The following DCLK3 variants were observed in gnomAD, a reference collection of about 807,000 sequenced individuals.
DCLK3 encodes the protein serine/threonine-protein kinase DCLK3.
In DCLK3, 30 loss-of-function variants were observed where a neutral mutation model predicts 46.4. That is an observed-to-expected ratio of 0.65 (90% confidence interval 0.48 to 0.88). The LOEUF is 0.88. Among genes scored for constraint, DCLK3 ranks in the 40% least tolerant of loss-of-function variants. The pLI is 0.00. For synonymous variants in DCLK3, 401 were observed against 339.2 expected, an observed-to-expected ratio of 1.18 and a Z score of -2.00; for missense variants, 846 against 907.1, an observed-to-expected ratio of 0.93 and a Z score of 0.87.
chr3:36,759,706 A>C (rs1329116057), intron 1 of DCLK3, among the ~76,000 whole-genome samples: 2 of 152,134 alleles, frequency 1.3e-5, no homozygotes, highest in Non-Finnish European at 2.9e-5. Flanking sequence ...CTACTTTTGC[A>C]CATGCTGTTC....
chr3:36,740,290 A>G (rs531849464), intron 1 of DCLK3, among the ~76,000 whole-genome samples: 1 of 152,224 alleles, frequency 6.6e-6, no homozygotes, highest in East Asian at 1.9e-4. Context: ...TGATCTTAAT[A>G]TCTATTTTAT....
At chr3:36,724,181 C>G (rs7639722) in intron 2 of DCLK3, among the ~76,000 whole-genome samples, 52,275 of 152,042 alleles carry the variant, frequency 0.34, 9,700 homozygotes, top group Non-Finnish European at 0.43. Flanking sequence ...GGCCTGTGGC[C>G]CCTTTGTTTT....
chr3:36,722,210 G>C (rs932796710), intron 2 of DCLK3, among the ~76,000 whole-genome samples: 2 of 152,194 alleles, frequency 1.3e-5, no homozygotes, highest in Non-Finnish European at 2.9e-5. Flanking sequence ...GTATGGGGCA[G>C]GGGTGAGGGG....
At chr3:36,719,236 C>T (rs923437928) in intron 3 of DCLK3, among the ~76,000 whole-genome samples, 1 of 152,128 alleles carries the variant, frequency 6.6e-6, no homozygotes, top group African/African-American at 2.4e-5. Flanking sequence ...ACACATTGTC[C>T]TCCCAAAACT....
intron 3 of DCLK3, among the ~76,000 whole-genome samples, chr3:36,718,789 T>A (rs1209038433): frequency 6.6e-6 from 1 of 152,200 alleles, no homozygotes; most frequent in East Asian, 1.9e-4. Context: ...GACTGATGTT[T>A]ACTAGCTGTA....
chr3:36,725,429 C>T (rs1701115506), intron 2 of DCLK3, among the ~76,000 whole-genome samples: 1 of 152,054 alleles, frequency 6.6e-6, no homozygotes, highest in Admixed American at 6.5e-5. Context: ...CCAGCCTGGG[C>T]AACACGAGGA....
At position 36,739,201 on chromosome 3, in the gene DCLK3, T is replaced by C. The variant is rs541779547; in HGVS notation, c.83-117A>G. On this transcript the variant is annotated intron_variant, in intron 1 of 4. Coordinates refer to ENST00000636136, the MANE Select transcript of DCLK3 (RefSeq NM_001394672.2). ...TAGCATTACAGTTTATAAGTGTGGT[T>C]CCTGAGAGTCTGTTAGAAATGACAG... 22 of 396,612 alleles carry C rather than the reference T, an allele frequency of 5.5e-5. No individual in the cohort carries two copies. In the Admixed American group the frequency reaches 7.1e-4, roughly 13 times the overall value. 24.6% of individuals were successfully genotyped at this position (396,612 alleles called of 1,614,324 possible). A position where few individuals can be genotyped will look rare whatever the true frequency, so the allele number is the denominator to read the frequency against.
intron 3 of DCLK3, among the ~76,000 whole-genome samples, chr3:36,721,166 C>A (rs1001787377): frequency 6.6e-6 from 1 of 152,126 alleles, no homozygotes; most frequent in Non-Finnish European, 1.5e-5. Context: ...ACCATAAGGA[C>A]TGCTTCAATT....
chr3:36,724,184 T>G (rs1246265312), intron 2 of DCLK3, among the ~76,000 whole-genome samples: 2 of 152,184 alleles, frequency 1.3e-5, no homozygotes, highest in Non-Finnish European at 2.9e-5. Context: ...CTGTGGCCCC[T>G]TTGTTTTGGC....
intron 3 of DCLK3, among the ~76,000 whole-genome samples, chr3:36,719,410 TCAC>T (rs1386087590): frequency 2.0e-5 from 3 of 152,204 alleles, no homozygotes; most frequent in African/African-American, 7.2e-5. Context: ...AAAGAATAAG[TCAC>T]TAATGACCTC....
At position 36,737,332 on chromosome 3, in the gene DCLK3, A is replaced by T. The variant is rs751404842; in HGVS notation, c.1835T>A (p.Ile612Asn). Residue 612 changes from isoleucine (I) to asparagine (N), a missense_variant, in exon 2 of 5, where the codon ATC becomes AAC. Physicochemically the swap from Ile to Asn is moderately radical, Grantham distance 149. Around this residue, in one of 3 missense-constraint regions of DCLK3, gnomAD observed 247 missense variants for 322.8 expected, o/e 0.77. Coordinates refer to ENST00000636136, the MANE Select transcript of DCLK3 (RefSeq NM_001394672.2). The surrounding 1 kb of genome is among the most constrained non-coding windows in gnomAD (Gnocchi z 4.4). ...CTCCGGGAACTTCACACTTTCTATG[A>T]TGGCGTCAAAAAGGTCTCCTCCCTG... The part of the protein sequence containing the change: ...YVQGGDLFDA[I>N]IESVKFPEPD... 6.2e-7 allele frequency: 1 copy of T among 1,614,160 alleles called. No homozygotes were observed. Among genetic ancestry groups the T allele is most frequent in the Non-Finnish European group, 8.5e-7 (1 of 1,180,024 alleles).
chr3:36,751,829 T>C (rs978348757), intron 1 of DCLK3, among the ~76,000 whole-genome samples: 24 of 152,236 alleles, frequency 1.6e-4, no homozygotes, highest in Non-Finnish European at 2.2e-4. Flanking sequence ...GAACAGGTGT[T>C]GCACGGAAGA....
intron 1 of DCLK3, among the ~76,000 whole-genome samples, chr3:36,740,209 A>G (rs1701330019): frequency 6.6e-6 from 1 of 150,962 alleles, no homozygotes; most frequent in African/African-American, 2.4e-5. Context: ...TGATCAAATT[A>G]CAACTTACCT....
At chr3:36,747,872 T>C (rs1465402119) in intron 1 of DCLK3, among the ~76,000 whole-genome samples, 6 of 152,166 alleles carry the variant, frequency 3.9e-5, no homozygotes, top group Admixed American at 2.6e-4. Context: ...ACCCCCAATT[T>C]ACAAAAACAG....
Position 36,737,612 on chromosome 3 carries a change from C to T in DCLK3, c.1555G>A (p.Ala519Thr), listed in dbSNP as rs566457747. 2.2e-5 allele frequency: 36 copies of T among 1,614,144 alleles called. No individual in the cohort carries two copies. Among genetic ancestry groups the T allele is most frequent in the Middle Eastern group, 1.7e-4 (1 of 6,058 alleles). Reference protein sequence around the residue: ...RKPRPMGIIAANVEKHYETGR... With the variant: ...RKPRPMGIIATNVEKHYETGR... ...GTCTCATAATGCTTTTCCACATTGG[C>T]GGCAATGATGCCCATGGGCCGTGGC... is the stretch of plus-strand genomic sequence containing the variant. The change falls in exon 2 of 5, where the codon GCC becomes ACC. Residue 519 changes from alanine to threonine, a missense_variant. Coordinates refer to ENST00000636136, the MANE Select transcript of DCLK3 (RefSeq NM_001394672.2). The surrounding 1 kb of genome is among the most constrained non-coding windows in gnomAD (Gnocchi z 4.4).
chr3:36,748,677 A>C (rs1259656415), intron 1 of DCLK3, among the ~76,000 whole-genome samples: 2 of 152,074 alleles, frequency 1.3e-5, no homozygotes, highest in East Asian at 3.9e-4. Context: ...ATTTGCTCCC[A>C]GGGTCCGTGA....
chr3:36,737,915 C>T lies in DCLK3; in HGVS notation c.1252G>A (p.Val418Ile), dbSNP rs780999310. ...AGCCCCTCCTCTGTGACAGGAAGAACTTCCACAAGGTCCTTCTTGGCCTTG... is the reference window on the plus strand; with the variant it reads ...AGCCCCTCCTCTGTGACAGGAAGAATTTCCACAAGGTCCTTCTTGGCCTTG... ...AAKAKKDLVE[V>I]LPVTEEGLRE... The change falls in exon 2 of 5, where the codon GTT becomes ATT. Residue 418 changes from valine to isoleucine, a missense_variant. This residue lies in a region of DCLK3 where 553 missense variants were observed against 543.0 expected (regional missense o/e 1.02). Coordinates refer to ENST00000636136, the MANE Select transcript of DCLK3 (RefSeq NM_001394672.2). The surrounding 1 kb of genome is among the most constrained non-coding windows in gnomAD (Gnocchi z 4.4). 3 of 1,614,126 alleles carry T rather than the reference C, an allele frequency of 1.9e-6. No individual in the cohort carries two copies. In the South Asian group the frequency reaches 3.3e-5, roughly 18 times the overall value.
chr3:36,739,012 G>A lies in DCLK3; in HGVS notation c.155C>T (p.Ser52Phe), dbSNP rs919955686. 1.5e-5 allele frequency: 6 copies of A among 398,864 alleles called. No individual in the cohort carries two copies. The highest frequency in any genetic ancestry group is 8.2e-5 in the African/African-American group (4 of 48,636). 24.7% of individuals were successfully genotyped at this position (398,864 alleles called of 1,614,324 possible). The stretch of plus-strand genomic sequence containing the variant: ...ATTCCCTCGGCTGGCAGGCAGCCAG[G>A]AGCCTTGCAGCTTCCGCTCTGTGAT... Reference protein sequence around the residue: ...SRITERKLQGSWLPASRGNLE... With the variant: ...SRITERKLQGFWLPASRGNLE... Residue 52 changes from serine to phenylalanine, a missense_variant, in exon 2 of 5, where the codon TCC becomes TTC. By Grantham distance (155) the Ser-to-Phe change is radical (BLOSUM62 -2). Around this residue, in one of 3 missense-constraint regions of DCLK3, gnomAD observed 553 missense variants for 543.0 expected, o/e 1.02. Transcript: ENST00000636136.
In DCLK3 at chr3:36,713,552, T is replaced by C. The variant is rs1700938305; in HGVS notation, c.*1776A>G. 6.6e-6 allele frequency: 1 copy of C among 152,142 alleles called. No homozygotes were observed. Among genetic ancestry groups the C allele is most frequent in the Non-Finnish European group, 1.5e-5 (1 of 68,040 alleles). The allele number at this position is 152,142 out of a possible 1,614,324, so 9.4% of individuals were successfully genotyped here. A position where few individuals can be genotyped will look rare whatever the true frequency, so the allele number is the denominator to read the frequency against. ...CTCCACAGGGCCCCTTCTCCAAGCT[T>C]CTGAGGTTAAAGCACCAGCTGGTAC... On this transcript the variant is annotated 3_prime_UTR_variant, in exon 5 of 5. Coordinates refer to ENST00000636136, the MANE Select transcript of DCLK3 (RefSeq NM_001394672.2).
Sources: gnomAD v4.1 joint callset for allele counts (sites outside exome capture counted in the v4.1 genomes callset) on GRCh38, gnomAD v4.1.1 for gene constraint, gnomAD v4.1.1 regional missense constraint, Gnocchi (gnomAD v3.1) non-coding constraint, MANE v1.5 for transcripts, NCBI Gene and HGNC (gene_info 2026-07-23, HGNC 2026-07-21) for gene names.